Variants in NUP37 observed in about 807,000 individuals in gnomAD.
The protein encoded by NUP37 is nucleoporin Nup37.
NUP37 carries 33 observed loss-of-function variants against 45.4 expected under a neutral mutation model. That is an observed-to-expected ratio of 0.73 (90% CI 0.55 to 0.97). The LOEUF (loss-of-function observed/expected upper bound fraction) is 0.97. Ranked by LOEUF, NUP37 falls within the 50% of genes least tolerant of loss-of-function variation. The pLI, the probability that NUP37 is intolerant of heterozygous loss-of-function variation, is 0.00. For synonymous variants in NUP37, 127 were observed against 130.7 expected (o/e 0.97, Z 0.19); for missense variants, 365 against 389.7 (o/e 0.94, Z 0.53).
At chr12:102,088,754 C>T (rs1247335410) in intron 5 of NUP37, among the ~76,000 whole-genome samples, 2 of 133,620 alleles carry the variant, frequency 1.5e-5, no homozygotes, top group East Asian at 2.1e-4. Context: ...GGGTGTTTCT[C>T]GGAGAGGGGG....
Position 102,117,951 on chromosome 12 carries a change from T to C in NUP37, c.156+412A>G, listed in dbSNP as rs375871848. On this transcript the variant is annotated intron_variant, in intron 2 of 9. Coordinates refer to ENST00000552283, the MANE Select transcript of NUP37 (RefSeq NM_024057.4). ...ACAGCATACTAATAGGAAAGCTGAA[T>C]ATTATAAAAGCTATAAAATCTCCTG... 1.4e-3 allele frequency among the ~76,000 whole-genome samples: 206 copies of C among 152,360 alleles called. 1 individual carries two copies. Among genetic ancestry groups the C allele is most frequent in the African/African-American group, 4.7e-3 (197 of 41,586 alleles).
intron 6 of NUP37, among the ~76,000 whole-genome samples, chr12:102,078,022 G>T (rs1879225455): frequency 6.6e-6 from 1 of 152,080 alleles, no homozygotes; most frequent in Non-Finnish European, 1.5e-5. Context: ...AGAGAAAACT[G>T]GCAAGATAAA....
intron 6 of NUP37, among the ~76,000 whole-genome samples, chr12:102,080,361 G>A (rs1879297624): frequency 6.6e-6 from 1 of 152,172 alleles, no homozygotes; most frequent in Non-Finnish European, 1.5e-5. Context: ...AATAGAAACT[G>A]CAGTGAATTA....
intron 3 of NUP37, among the ~76,000 whole-genome samples, chr12:102,109,641 T>C (rs1880256463): frequency 6.6e-6 from 1 of 152,176 alleles, no homozygotes; most frequent in Admixed American, 6.5e-5. Context: ...CTAATGTCTT[T>C]TGAATTTGTT....
intron 1 of NUP37, chr12:102,119,354 C>G (rs1030537729): frequency 7.1e-6 from 1 of 140,618 alleles, no homozygotes; most frequent in Non-Finnish European, 1.6e-5. Flanking sequence ...CACCATAGCA[C>G]ACGTTTTACC....
At chr12:102,110,406 T>G (rs1594400123) in intron 3 of NUP37, among the ~76,000 whole-genome samples, 1 of 144,806 alleles carries the variant, frequency 6.9e-6, no homozygotes. Flanking sequence ...GAGGCGGAGG[T>G]GAGAGGGAGG....
chr12:102,118,579 C>T lies in NUP37; in HGVS notation c.-61G>A, dbSNP rs1439531678. 45 of 1,487,706 alleles carry T rather than the reference C, an allele frequency of 3.0e-5. No homozygotes were observed. Among genetic ancestry groups the T allele is most frequent in the African/African-American group, 4.2e-5 (3 of 71,526 alleles). 92.2% of individuals were successfully genotyped at this position (1,487,706 alleles called of 1,614,324 possible). On this transcript the variant is annotated 5_prime_UTR_variant, in exon 2 of 10. In the 5' UTR this introduces an upstream ATG that the reference lacks. Coordinates refer to ENST00000552283, the MANE Select transcript of NUP37 (RefSeq NM_024057.4). Reference sequence around the variant, plus strand: ...AATAGCCTTCTACTGGACAAGGTCACGAAACTGTGGATTAGAGCACAGGTA... The same window carrying T: ...AATAGCCTTCTACTGGACAAGGTCATGAAACTGTGGATTAGAGCACAGGTA...
intron 5 of NUP37, among the ~76,000 whole-genome samples, chr12:102,098,313 G>A (rs1267389649): frequency 6.6e-6 from 1 of 152,268 alleles, no homozygotes; most frequent in East Asian, 1.9e-4. Context: ...TGAGGTAGAA[G>A]AACATAATAG....
chr12:102,074,656 T>G, intron 9 of NUP37, 189 bp from the exon 10 acceptor site: 1 of 542,802 alleles, frequency 1.8e-6, no homozygotes, highest in South Asian at 2.6e-5. Flanking sequence ...ACAATCCATC[T>G]ATGAATAACT....
At chr12:102,082,499 C>T (rs538450702) in intron 6 of NUP37, among the ~76,000 whole-genome samples, 92 of 152,306 alleles carry the variant, frequency 6.0e-4, no homozygotes, top group African/African-American at 2.2e-3. Flanking sequence ...CTAAAATTGA[C>T]TGAGTGCTTA....
At chr12:102,105,861 CAAAAAAAA>C (rs759252411) in intron 3 of NUP37, among the ~76,000 whole-genome samples, 3 of 73,702 alleles carry the variant, frequency 4.1e-5, no homozygotes, top group African/African-American at 5.1e-5. Flanking sequence ...GACTCCCTCT[CAAAAAAAA>C]AAAAAAAAAA....
At chr12:102,075,690 G>A (rs1879146503) in intron 8 of NUP37, among the ~76,000 whole-genome samples, 1 of 151,946 alleles carries the variant, frequency 6.6e-6, no homozygotes, top group East Asian at 1.9e-4. Flanking sequence ...CAACCAAAGG[G>A]GTAATAGTGT....
At chr12:102,090,391 C>T (rs1383469739) in intron 5 of NUP37, among the ~76,000 whole-genome samples, 1 of 152,096 alleles carries the variant, frequency 6.6e-6, no homozygotes, top group African/African-American at 2.4e-5. Flanking sequence ...AATGAGAAGG[C>T]TATTTTCTAA....
intron 6 of NUP37, among the ~76,000 whole-genome samples, chr12:102,081,142 T>C (rs982804952): frequency 6.6e-6 from 1 of 152,180 alleles, no homozygotes; most frequent in Non-Finnish European, 1.5e-5. Flanking sequence ...TTGATAGGAC[T>C]ATTGGGAGAA....
intron 2 of NUP37, among the ~76,000 whole-genome samples, chr12:102,117,448 A>AG (rs1880496764): frequency 1.3e-5 from 2 of 150,210 alleles, no homozygotes; most frequent in Admixed American, 1.3e-4. Flanking sequence ...TCTGAAAAAA[A>AG]AAAATAAAAA....
intron 5 of NUP37, among the ~76,000 whole-genome samples, chr12:102,098,179 C>T (rs532765162): frequency 6.6e-6 from 1 of 152,160 alleles, no homozygotes; most frequent in Non-Finnish European, 1.5e-5. Flanking sequence ...CATTTCACTC[C>T]TGACTCCTCA....
Position 102,073,667 on chromosome 12 carries a change from C to T in NUP37, c.*687G>A, listed in dbSNP as rs1450417754. The T allele has an allele frequency of 1.3e-5, 2 of 151,764 alleles. No individual in the cohort carries two copies. The highest frequency in any genetic ancestry group is 2.9e-5 in the Non-Finnish European group (2 of 67,920). 9.4% of individuals were successfully genotyped at this position (151,764 alleles called of 1,614,324 possible). ...TACTCAACAACCACTTCCAGAATAC[C>T]CTAAGATATTTTTTTCTCCTTGGAT... On this transcript the variant is annotated 3_prime_UTR_variant, in exon 10 of 10. Coordinates refer to ENST00000552283, the MANE Select transcript of NUP37 (RefSeq NM_024057.4).
chr12:102,074,632 C>T (rs1879117581), intron 9 of NUP37, 165 bp from the exon 10 acceptor site: 2 of 561,236 alleles, frequency 3.6e-6, no homozygotes. Flanking sequence ...TGATACGCAG[C>T]TGAAACATGG....
At chr12:102,103,499 C>G (rs1010086826) in intron 3 of NUP37, among the ~76,000 whole-genome samples, 1 of 152,082 alleles carries the variant, frequency 6.6e-6, no homozygotes, top group Non-Finnish European at 1.5e-5. Flanking sequence ...GAGTCTTTAG[C>G]TTTTCTATAT....
Sources: gnomAD v4.1 joint callset for allele counts (sites outside exome capture counted in the v4.1 genomes callset) on GRCh38, gnomAD v4.1.1 for gene constraint, MANE v1.5 for transcripts, NCBI Gene and HGNC (gene_info 2026-07-23, HGNC 2026-07-21) for gene names.